The following PPFIA2 variants were observed in gnomAD, a reference collection of about 807,000 sequenced individuals.
PPFIA2 encodes liprin-alpha-2.
PPFIA2 carries 46 observed loss-of-function variants against 175.5 expected under a neutral mutation model. The observed-to-expected ratio is 0.26, with a 90% CI of 0.21 to 0.34. The LOEUF (loss-of-function observed/expected upper bound fraction) is 0.34. PPFIA2 is among the 10% of genes least tolerant of loss of function. The pLI is 1.00. For synonymous variants in PPFIA2, 568 were observed against 511.4 expected, an observed-to-expected ratio of 1.11 and a Z score of -1.49; for missense variants, 1,179 against 1,506.1, an observed-to-expected ratio of 0.78 and a Z score of 3.60.
chr12:81,426,879 A>G (rs2047221386), intron 7 of PPFIA2, among the ~76,000 whole-genome samples: 1 of 152,122 alleles, frequency 6.6e-6, no homozygotes, highest in Non-Finnish European at 1.5e-5. Flanking sequence ...TTCTCATGCT[A>G]TTTATTACTA....
intron 4 of PPFIA2, among the ~76,000 whole-genome samples, chr12:81,559,972 C>G (rs751489321): frequency 7.9e-5 from 12 of 152,104 alleles, no homozygotes; most frequent in Non-Finnish European, 1.6e-4. Context: ...GTGGCCTCCT[C>G]TATCCAAGAT....
At chr12:81,684,443 C>G (rs2074147050) in intron 3 of PPFIA2, among the ~76,000 whole-genome samples, 1 of 152,008 alleles carries the variant, frequency 6.6e-6, no homozygotes. Context: ...GCCTATAGAA[C>G]AGCTTGCCAC....
At chr12:81,445,764 T>A in intron 5 of PPFIA2, 44 bp from the exon 6 acceptor site, 2 of 1,552,946 alleles carry the variant, frequency 1.3e-6, no homozygotes, top group Non-Finnish European at 1.8e-6. Flanking sequence ...TGAATACAAG[T>A]CATAAATACT....
At chr12:81,451,204 CTTTTCTG>C (rs1004141801) in intron 5 of PPFIA2, among the ~76,000 whole-genome samples, 4 of 151,970 alleles carry the variant, frequency 2.6e-5, no homozygotes, top group African/African-American at 9.7e-5. Flanking sequence ...ACATTATTCT[CTTTTCTG>C]TTTTCTGTAC....
chr12:81,509,950 T>C (rs929459077), intron 4 of PPFIA2, among the ~76,000 whole-genome samples: 2 of 152,124 alleles, frequency 1.3e-5, no homozygotes, highest in Non-Finnish European at 2.9e-5. Context: ...AACTGGAATT[T>C]AGAAGAGGAG....
At chr12:81,663,037 T>A (rs1459322241) in intron 4 of PPFIA2, among the ~76,000 whole-genome samples, 1 of 152,218 alleles carries the variant, frequency 6.6e-6, no homozygotes, top group Non-Finnish European at 1.5e-5. Context: ...AAATTAGGTA[T>A]TGATGGGACA....
rs1457345505 is a variant in PPFIA2 at position 81,323,995 on chromosome 12, G to C, written c.2642+1782C>G. On this transcript the variant is annotated intron_variant, in intron 22 of 32. Transcript: ENST00000549396. Reference sequence around the variant, plus strand: ...AATCCATGGGAAATAATCGTACTAAGAAATGTTAGCCATTTTTGCCTTATA... The same window carrying C: ...AATCCATGGGAAATAATCGTACTAACAAATGTTAGCCATTTTTGCCTTATA... Among the ~76,000 whole-genome samples, 6 of 151,906 alleles carry C rather than the reference G, an allele frequency of 3.9e-5. No homozygotes were observed. The East Asian group carries it at 1.2e-3, about 29-fold the overall frequency.
At chr12:81,642,703 T>TGTATATATTATATACATC (rs1173180908) in intron 4 of PPFIA2, among the ~76,000 whole-genome samples, 1 of 13,928 alleles carries the variant, frequency 7.2e-5, no homozygotes, top group Non-Finnish European at 1.2e-4. Context: ...CATACATGTA[T>TGTATATATTATATACATC]ATGTATGTAT....
intron 4 of PPFIA2, among the ~76,000 whole-genome samples, chr12:81,498,416 T>C (rs938843917): frequency 6.6e-6 from 1 of 152,166 alleles, no homozygotes; most frequent in Non-Finnish European, 1.5e-5. Flanking sequence ...TTGTCTTTCA[T>C]GATCTTCACA....
At chr12:81,441,626 T>C (rs1371450343) in intron 6 of PPFIA2, among the ~76,000 whole-genome samples, 1 of 152,142 alleles carries the variant, frequency 6.6e-6, no homozygotes, top group African/African-American at 2.4e-5. Flanking sequence ...GAGAATACTT[T>C]TTTATGAATT....
At chr12:81,315,954 T>C (rs1001284486) in intron 22 of PPFIA2, among the ~76,000 whole-genome samples, 4 of 151,584 alleles carry the variant, frequency 2.6e-5, no homozygotes, top group Non-Finnish European at 5.9e-5. Flanking sequence ...CTTAAAGGAG[T>C]TTAAGAAATC....
At chr12:81,416,803 T>C (rs2045356897) in intron 7 of PPFIA2, among the ~76,000 whole-genome samples, 1 of 151,440 alleles carries the variant, frequency 6.6e-6, no homozygotes, top group Non-Finnish European at 1.5e-5. Context: ...TCTCCCCAAC[T>C]ACAATAAAAA....
At chr12:81,728,530 C>T (rs1412700880) in intron 3 of PPFIA2, among the ~76,000 whole-genome samples, 1 of 150,870 alleles carries the variant, frequency 6.6e-6, no homozygotes, top group Non-Finnish European at 1.5e-5. Context: ...ACTTGCTATC[C>T]CCCTCTCCTT....
chr12:81,575,548 T>C (rs532663174), intron 4 of PPFIA2, among the ~76,000 whole-genome samples: 70 of 151,936 alleles, frequency 4.6e-4, no homozygotes, highest in African/African-American at 1.5e-3. Flanking sequence ...ACATCGGTGA[T>C]ATAAAGGTGA....
intron 3 of PPFIA2, among the ~76,000 whole-genome samples, chr12:81,730,383 G>A (rs542327853): frequency 1.3e-5 from 2 of 151,704 alleles, no homozygotes; most frequent in African/African-American, 4.8e-5. Context: ...GAGGCCTCAG[G>A]AAATTTACTA....
chr12:81,462,107 T>A (rs547682035), intron 4 of PPFIA2, among the ~76,000 whole-genome samples: 9 of 151,700 alleles, frequency 5.9e-5, no homozygotes, highest in African/African-American at 1.7e-4. Context: ...AGGTTTTTTT[T>A]AAATTTTTCT....
intron 4 of PPFIA2, among the ~76,000 whole-genome samples, chr12:81,674,722 T>C (rs1228726536): frequency 6.6e-6 from 1 of 152,060 alleles, no homozygotes; most frequent in Non-Finnish European, 1.5e-5. Flanking sequence ...AACTTGAAAT[T>C]GATTTAGATT....
chr12:81,752,621 G>T (rs2153665482), intron 3 of PPFIA2, among the ~76,000 whole-genome samples: 1 of 152,278 alleles, frequency 6.6e-6, no homozygotes, highest in East Asian at 1.9e-4. Context: ...TACCTATCAG[G>T]ATGTGACAGG....
chr12:81,576,571 T>C (rs745916196), intron 4 of PPFIA2, among the ~76,000 whole-genome samples: 9 of 151,844 alleles, frequency 5.9e-5, no homozygotes, highest in Non-Finnish European at 1.3e-4. Context: ...TTGTTTTGTT[T>C]ATTAATAATA....
Sources: gnomAD v4.1 joint callset for allele counts (sites outside exome capture counted in the v4.1 genomes callset) on GRCh38, gnomAD v4.1.1 for gene constraint, MANE v1.5 for transcripts, NCBI Gene and HGNC (gene_info 2026-07-23, HGNC 2026-07-21) for gene names.